RAB27B: variants seen among roughly 807,000 people sequenced by gnomAD.
RAB27B encodes ras-related protein Rab-27B.
A neutral mutation model predicts 24.6 loss-of-function variants in RAB27B; 15 were observed. The ratio of observed to expected loss-of-function variants is 0.61; its 90% CI spans 0.41 to 0.94. The LOEUF is 0.94. Ranked by LOEUF, RAB27B falls within the 40% of genes least tolerant of loss-of-function variation. The pLI is 0.00. For missense variants in RAB27B, 261 were observed against 266.8 expected, an observed-to-expected ratio of 0.98 and a Z score of 0.15; for synonymous variants, 105 against 92.5, an observed-to-expected ratio of 1.14 and a Z score of -0.78.
At position 54,789,768 on chromosome 18, in the gene RAB27B, C is replaced by T. The variant is rs980502303; in HGVS notation, c.-20+71627C>T. Among the ~76,000 whole-genome samples, 4 of 152,100 alleles carry T rather than the reference C, an allele frequency of 2.6e-5. No individual in the cohort carries two copies. In the South Asian group the frequency reaches 6.2e-4, roughly 24 times the overall value. On this transcript the variant is annotated intron_variant, in intron 2 of 4. Transcript: ENST00000586570. ...CAAGGACTGGTTATGTTAAAATTAC[C>T]TTCTTCATCCTTCCTATTTCATTTT...
intron 2 of RAB27B, among the ~76,000 whole-genome samples, chr18:54,809,910 AC>A (rs1289130177): frequency 6.6e-6 from 1 of 152,208 alleles, no homozygotes; most frequent in Non-Finnish European, 1.5e-5. Flanking sequence ...AATTGTGCTG[AC>A]TTTTTAAAAG....
intron 2 of RAB27B, among the ~76,000 whole-genome samples, chr18:54,762,074 G>A (rs781583409): frequency 5.3e-5 from 8 of 152,190 alleles, no homozygotes; most frequent in Non-Finnish European, 1.0e-4. Flanking sequence ...GGAGTAATGC[G>A]TCTACAAGCC....
At chr18:54,739,631 C>G (rs892810576) in intron 2 of RAB27B, among the ~76,000 whole-genome samples, 1 of 148,584 alleles carries the variant, frequency 6.7e-6, no homozygotes, top group Non-Finnish European at 1.5e-5. Flanking sequence ...TTTTATTTCT[C>G]TTGGTGAATA....
chr18:54,867,402 C>A (rs1465838863), intron 1 of RAB27B, among the ~76,000 whole-genome samples: 3 of 150,014 alleles, frequency 2.0e-5, no homozygotes, highest in Admixed American at 6.6e-5. Flanking sequence ...GCTGGCTGGG[C>A]ATATCTTTGT....
intron 1 of RAB27B, among the ~76,000 whole-genome samples, chr18:54,871,156 G>A (rs910809338): frequency 1.3e-5 from 2 of 152,144 alleles, no homozygotes; most frequent in African/African-American, 4.8e-5. Flanking sequence ...TTTAAGAAGA[G>A]TTGAAATAAA....
rs115377041 is a variant in RAB27B at position 54,810,307 on chromosome 18, T to C, written c.-19-67260T>C. 2.7e-3 allele frequency among the ~76,000 whole-genome samples: 407 copies of C among 152,326 alleles called. 2 individuals carry two copies. The highest frequency in any genetic ancestry group is 9.2e-3 in the African/African-American group (383 of 41,580). ...TCGAATAAAAATTAATTCTAGGAAA[T>C]ATTTTGCTTTCCTAATAATATATAT... On this transcript the variant is annotated intron_variant, in intron 2 of 4. Coordinates refer to the RAB27B transcript ENST00000586570.
chr18:54,767,411 A>G lies in RAB27B; in HGVS notation c.-20+49270A>G, dbSNP rs77888895. Among the ~76,000 whole-genome samples the G allele has an allele frequency of 9.1e-3, 1,381 of 152,312 alleles. 21 individuals carry two copies. The highest frequency in any genetic ancestry group is 0.032 in the African/African-American group (1,334 of 41,568). ...ATAGTTATCAGGTGAGGTAATGGTCATGAGGGTATTTAATTGCCATAGTTA... is the reference window on the plus strand; with the variant it reads ...ATAGTTATCAGGTGAGGTAATGGTCGTGAGGGTATTTAATTGCCATAGTTA... On this transcript the variant is annotated intron_variant, in intron 2 of 4. Transcript: ENST00000586570.
chr18:54,819,067 A>G (rs1910210322), intron 2 of RAB27B, among the ~76,000 whole-genome samples: 1 of 151,256 alleles, frequency 6.6e-6, no homozygotes, highest in African/African-American at 2.4e-5. Context: ...TTATGGCAGC[A>G]ATACATATTT....
At chr18:54,776,122 T>G (rs549368638) in intron 2 of RAB27B, among the ~76,000 whole-genome samples, 47 of 152,372 alleles carry the variant, frequency 3.1e-4, no homozygotes, top group Non-Finnish European at 2.6e-4. Context: ...TGTTGTTGTT[T>G]TTTAAGAAAA....
chr18:54,873,695 G>A (rs2145263290), intron 1 of RAB27B, among the ~76,000 whole-genome samples: 1 of 109,502 alleles, frequency 9.1e-6, no homozygotes, highest in Admixed American at 8.4e-5. Context: ...CTGTGTGTGT[G>A]TGTGTGTGTG....
rs377245958 is a variant in RAB27B, at chr18:54,729,654, G to A, written c.-20+11513G>A. On this transcript the variant is annotated intron_variant, in intron 2 of 4. Coordinates refer to the RAB27B transcript ENST00000586570. ...AAAGGAATAAGAGGGAATTTTTAAA[G>A]CCTGATTAACCCATAGAAAGCAGGC... Among the ~76,000 whole-genome samples the A allele has an allele frequency of 1.0e-3, 155 of 152,238 alleles. 4 individuals carry two copies. The South Asian group carries it at 0.028, about 27-fold the overall frequency.
chr18:54,835,566 G>A (rs77091841), intron 1 of RAB27B, among the ~76,000 whole-genome samples: 5,183 of 151,896 alleles, frequency 0.034, 154 homozygotes, highest in Admixed American at 0.078. Context: ...CAAAACATAC[G>A]TTACAGGAAA....
At chr18:54,723,924 A>G (rs934491872) in intron 2 of RAB27B, among the ~76,000 whole-genome samples, 19 of 152,224 alleles carry the variant, frequency 1.2e-4, no homozygotes, top group African/African-American at 2.9e-4. Context: ...AAATATAAAT[A>G]TATTTTTTCA....
chr18:54,756,289 T>G (rs923328468), intron 2 of RAB27B, among the ~76,000 whole-genome samples: 2 of 152,154 alleles, frequency 1.3e-5, no homozygotes, highest in Non-Finnish European at 2.9e-5. Context: ...AAGTACTAAT[T>G]TACATTTCCT....
At chr18:54,866,916 C>A (rs1912252792) in intron 1 of RAB27B, among the ~76,000 whole-genome samples, 1 of 152,084 alleles carries the variant, frequency 6.6e-6, no homozygotes, top group African/African-American at 2.4e-5. Flanking sequence ...GGATCCTGGG[C>A]AGGGAGGGTG....
intron 1 of RAB27B, among the ~76,000 whole-genome samples, chr18:54,831,770 A>ATTTTT (rs371299042): frequency 6.7e-6 from 1 of 149,272 alleles, no homozygotes; most frequent in Admixed American, 6.7e-5. Context: ...AGGGGAGGTG[A>ATTTTT]TTTTTTTTTT....
chr18:54,722,430 A>G (rs1263791456), intron 2 of RAB27B, among the ~76,000 whole-genome samples: 2 of 152,172 alleles, frequency 1.3e-5, no homozygotes, highest in Non-Finnish European at 2.9e-5. Context: ...GCAATGCTGT[A>G]GTGAGATGAC....
intron 1 of RAB27B, among the ~76,000 whole-genome samples, chr18:54,853,012 T>C (rs1911646872): frequency 6.6e-6 from 1 of 152,202 alleles, no homozygotes; most frequent in Admixed American, 6.5e-5. Flanking sequence ...CTTCCAGTAA[T>C]TTGAGGCATA....
intron 1 of RAB27B, among the ~76,000 whole-genome samples, chr18:54,871,687 A>G (rs1912470087): frequency 6.6e-6 from 1 of 151,908 alleles, no homozygotes; most frequent in Non-Finnish European, 1.5e-5. Context: ...CGTCTCTACT[A>G]AAAATACCAA....
Sources: allele counts gnomAD v4.1 joint callset (sites outside exome capture counted in the v4.1 genomes callset), GRCh38; gene constraint gnomAD v4.1.1; transcripts MANE v1.5; gene names NCBI Gene and HGNC (gene_info 2026-07-23, HGNC 2026-07-21).